Variants in LRRC4C observed in about 807,000 individuals in gnomAD.
The protein encoded by LRRC4C is leucine rich repeat containing 4C, also known as leucine-rich repeat-containing protein 4C.
In LRRC4C, 5 loss-of-function variants were observed where a neutral mutation model predicts 33.6. That is an observed-to-expected ratio of 0.15 (90% CI 0.08 to 0.31). The LOEUF (loss-of-function observed/expected upper bound fraction) is 0.31, where lower values mean the gene tolerates loss of function less well. Ranked by LOEUF, LRRC4C falls within the 10% of genes least tolerant of loss-of-function variation. The pLI is 1.00. For missense variants in LRRC4C, 560 were observed against 796.7 expected (o/e 0.70, Z 3.58); for synonymous variants, 329 against 302.0 (o/e 1.09, Z -0.93).
At chr11:41,281,223 T>C (rs182388280) in intron 1 of LRRC4C, among the ~76,000 whole-genome samples, 14 of 152,056 alleles carry the variant, frequency 9.2e-5, no homozygotes, top group Admixed American at 3.9e-4. Flanking sequence ...AGGAATTTAC[T>C]GAAATGGATG....
chr11:40,954,620 A>C (rs578195613), intron 1 of LRRC4C, among the ~76,000 whole-genome samples: 27 of 151,876 alleles, frequency 1.8e-4, no homozygotes, highest in Admixed American at 6.6e-5. Flanking sequence ...AGTATGGTTA[A>C]TCTGGCCTCA....
chr11:41,069,447 G>T (rs1938515358), intron 1 of LRRC4C, among the ~76,000 whole-genome samples: 1 of 152,166 alleles, frequency 6.6e-6, no homozygotes, highest in Non-Finnish European at 1.5e-5. Flanking sequence ...GAAAAGTATA[G>T]TGTATTCAAA....
chr11:40,353,201 A>G (rs1947496376), intron 3 of LRRC4C, among the ~76,000 whole-genome samples: 1 of 151,736 alleles, frequency 6.6e-6, no homozygotes, highest in South Asian at 2.1e-4. Context: ...CTTTTAGGTC[A>G]ATATCTCTTA....
At chr11:40,681,009 G>T (rs186104588) in intron 2 of LRRC4C, among the ~76,000 whole-genome samples, 57 of 152,218 alleles carry the variant, frequency 3.7e-4, no homozygotes, top group African/African-American at 1.4e-3. Flanking sequence ...GGACAGCACA[G>T]GTGTAATACA....
intron 1 of LRRC4C, among the ~76,000 whole-genome samples, chr11:41,016,644 T>A (rs1855602472): frequency 6.6e-6 from 1 of 152,156 alleles, no homozygotes; most frequent in African/African-American, 2.4e-5. Context: ...CAGGTCCAGT[T>A]CAGCCATGAG....
chr11:40,456,144 A>T (rs992308995), intron 3 of LRRC4C, among the ~76,000 whole-genome samples: 6 of 152,002 alleles, frequency 3.9e-5, no homozygotes, highest in African/African-American at 1.4e-4. Context: ...ATATTAATCA[A>T]CCTCTTTAGC....
chr11:40,183,167 C>G (rs1241507245), intron 5 of LRRC4C, among the ~76,000 whole-genome samples: 1 of 152,088 alleles, frequency 6.6e-6, no homozygotes, highest in Non-Finnish European at 1.5e-5. Flanking sequence ...AATGCACATA[C>G]TGTAGTGAGG....
chr11:40,898,353 C>CAAAAAAAAAAAAAAAAAAAAAAAAAA lies in LRRC4C; in HGVS notation c.-407+35281_-407+35282insTTTTTTTTTTTTTTTTTTTTTTTTTT, dbSNP rs765252333. ...GGGCAACAAGAGTGAAACTCCATCT[C>CAAAAAAAAAAAAAAAAAAAAAAAAAA]AAAAAAAAAAAAAAAAAAAGAAAAA... On this transcript the variant is annotated intron_variant, in intron 2 of 6. Transcript: ENST00000528697. Among the ~76,000 whole-genome samples the CAAAAAAAAAAAAAAAAAAAAAAAAAA allele has an allele frequency of 7.0e-4, 27 of 38,344 alleles. 1 individual carries two copies. Among genetic ancestry groups the CAAAAAAAAAAAAAAAAAAAAAAAAAA allele is most frequent in the African/African-American group, 2.6e-3 (25 of 9,578 alleles). The allele number at this position is 38,344 out of a possible 152,430, so 25.2% of individuals were successfully genotyped here. A position where few individuals can be genotyped will look rare whatever the true frequency, so the allele number is the denominator to read the frequency against.
chr11:40,494,502 G>A (rs1399902137), intron 3 of LRRC4C, among the ~76,000 whole-genome samples: 1 of 152,038 alleles, frequency 6.6e-6, no homozygotes, highest in Non-Finnish European at 1.5e-5. Context: ...ACCACCATTA[G>A]GGACCTTGAA....
chr11:40,976,609 T>C (rs531432857), intron 1 of LRRC4C, among the ~76,000 whole-genome samples: 4 of 152,206 alleles, frequency 2.6e-5, no homozygotes, highest in Non-Finnish European at 5.9e-5. Context: ...CCAATTGGTA[T>C]GGAGTCCAAC....
At chr11:40,852,964 A>T (rs1591893162) in intron 2 of LRRC4C, among the ~76,000 whole-genome samples, 1 of 152,198 alleles carries the variant, frequency 6.6e-6, no homozygotes, top group African/African-American at 2.4e-5. Flanking sequence ...AGCTGATATG[A>T]TCTAATATAT....
At chr11:41,140,836 A>G (rs2135905682) in intron 1 of LRRC4C, among the ~76,000 whole-genome samples, 1 of 145,270 alleles carries the variant, frequency 6.9e-6, no homozygotes, top group Admixed American at 6.8e-5. Flanking sequence ...GTCTCTTTTT[A>G]CATAAGTAAA....
chr11:41,363,295 A>G (rs1225486360), intron 1 of LRRC4C, among the ~76,000 whole-genome samples: 1 of 152,206 alleles, frequency 6.6e-6, no homozygotes, highest in African/African-American at 2.4e-5. Flanking sequence ...ACAAGTACAG[A>G]AAAACATAGG....
chr11:40,449,349 A>AC (rs1951787756), intron 3 of LRRC4C, among the ~76,000 whole-genome samples: 2 of 151,832 alleles, frequency 1.3e-5, no homozygotes, highest in South Asian at 4.2e-4. Context: ...AAGAAGCAAA[A>AC]AAAAAAAAAT....
intron 1 of LRRC4C, among the ~76,000 whole-genome samples, chr11:41,099,495 T>C (rs1323544700): frequency 6.6e-6 from 1 of 152,106 alleles, no homozygotes; most frequent in Non-Finnish European, 1.5e-5. Context: ...TAATCCACTA[T>C]GATCAAGTAG....
chr11:40,661,488 T>A (rs1189182537), intron 2 of LRRC4C, among the ~76,000 whole-genome samples: 1 of 152,190 alleles, frequency 6.6e-6, no homozygotes, highest in East Asian at 1.9e-4. Flanking sequence ...TAAAACAACA[T>A]TATAATCATC....
chr11:40,745,212 A>G (rs747448957), intron 2 of LRRC4C, among the ~76,000 whole-genome samples: 4 of 152,130 alleles, frequency 2.6e-5, no homozygotes, highest in Non-Finnish European at 4.4e-5. Flanking sequence ...TTCAGCCTAC[A>G]CTTCCATCGG....
At chr11:40,237,488 A>G (rs567251874) in intron 5 of LRRC4C, among the ~76,000 whole-genome samples, 1 of 152,316 alleles carries the variant, frequency 6.6e-6, no homozygotes, top group East Asian at 1.9e-4. Flanking sequence ...CCCAATGACA[A>G]CCCTAAGACA....
chr11:40,418,121 G>A (rs961359517), intron 3 of LRRC4C, among the ~76,000 whole-genome samples: 4 of 152,102 alleles, frequency 2.6e-5, no homozygotes, highest in African/African-American at 9.7e-5. Context: ...AAGCAAATAT[G>A]TGATCAAGAA....
Sources: gnomAD v4.1 joint callset for allele counts (sites outside exome capture counted in the v4.1 genomes callset) on GRCh38, gnomAD v4.1.1 for gene constraint, MANE v1.5 for transcripts, NCBI Gene and HGNC (gene_info 2026-07-23, HGNC 2026-07-21) for gene names.